The following AREL1 variants were observed in gnomAD, a reference collection of about 807,000 sequenced individuals.
The protein encoded by AREL1 is apoptosis resistant E3 ubiquitin protein ligase 1.
Under a neutral mutation model 99.0 loss-of-function variants are expected in AREL1, and 62 were observed. The ratio of observed to expected loss-of-function variants is 0.63; its 90% CI spans 0.51 to 0.77. The LOEUF is 0.77. AREL1 is among the 30% of genes least tolerant of loss of function. The pLI is 0.00. For missense variants in AREL1, 879 were observed against 1,027.6 expected, an observed-to-expected ratio of 0.86 and a Z score of 1.98; for synonymous variants, 380 against 376.5, an observed-to-expected ratio of 1.01 and a Z score of -0.11.
intron 17 of AREL1, among the ~76,000 whole-genome samples, chr14:74,665,564 T>G (rs917776280): frequency 6.6e-6 from 1 of 152,256 alleles, no homozygotes; most frequent in Non-Finnish European, 1.5e-5. Flanking sequence ...GGCCCATTTA[T>G]GAATTTGTCA....
chr14:74,690,566 T>C (rs1383166281), intron 2 of AREL1, among the ~76,000 whole-genome samples: 1 of 152,236 alleles, frequency 6.6e-6, no homozygotes, highest in Non-Finnish European at 1.5e-5. Flanking sequence ...GGTATTTTTC[T>C]ACAGCAGTTT....
intron 5 of AREL1, among the ~76,000 whole-genome samples, chr14:74,682,838 G>A (rs111971760): frequency 4.6e-5 from 7 of 152,086 alleles, no homozygotes; most frequent in African/African-American, 1.4e-4. Flanking sequence ...CTCCCGCTTC[G>A]CCTTCCACCA....
chr14:74,675,790 A>G lies in AREL1; in HGVS notation c.989T>C (p.Val330Ala). Residue 330 changes from valine (V) to alanine (A), a missense_variant, in exon 8 of 20, where the codon GTT becomes GCT. Physicochemically the swap from Val to Ala is moderately conservative, Grantham distance 64 (BLOSUM62 0). Coordinates refer to ENST00000356357, the MANE Select transcript of AREL1 (RefSeq NM_001039479.2). ...GGGCGAGTCTTCATCTTCCTCGTCA[A>G]CAGCAGTGGATGGCCGGCGCTGGGA... The part of the protein sequence containing the change: ...TSSQRRPSTA[V>A]DEEDEDSPSE... The G allele has an allele frequency of 6.2e-7, 1 of 1,614,206 alleles. No individual in the cohort carries two copies. The highest frequency in any genetic ancestry group is 8.5e-7 in the Non-Finnish European group (1 of 1,180,040).
intron 6 of AREL1, 28 bp from the exon 7 acceptor site, chr14:74,676,349 A>C: frequency 6.2e-7 from 1 of 1,606,836 alleles, no homozygotes; most frequent in East Asian, 2.2e-5. Flanking sequence ...AGCATCACTT[A>C]ACATATAGTA....
chr14:74,698,675 G>C (rs891470746), intron 1 of AREL1: 2 of 153,814 alleles, frequency 1.3e-5, no homozygotes, highest in African/African-American at 4.8e-5. Context: ...AGAGGAAGGA[G>C]AAGTAACTGT....
chr14:74,692,898 G>T (rs1269101238), intron 1 of AREL1, among the ~76,000 whole-genome samples: 1 of 151,968 alleles, frequency 6.6e-6, no homozygotes, highest in South Asian at 2.1e-4. Context: ...TTGTAGAGAC[G>T]GGGTTTTGCC....
chr14:74,705,109 G>C (rs1281924509), intron 1 of AREL1, among the ~76,000 whole-genome samples: 1 of 150,846 alleles, frequency 6.6e-6, no homozygotes, highest in East Asian at 2.0e-4. Flanking sequence ...GCACCATCTC[G>C]GCTCACCGCA....
At chr14:74,671,102 C>T (rs1039807898) in intron 12 of AREL1, among the ~76,000 whole-genome samples, 9 of 151,996 alleles carry the variant, frequency 5.9e-5, no homozygotes, top group East Asian at 5.8e-4. Flanking sequence ...CACCAGAGGT[C>T]GGAGATCCCA....
chr14:74,687,181 C>A (rs1230168566), intron 2 of AREL1, among the ~76,000 whole-genome samples: 3 of 152,132 alleles, frequency 2.0e-5, no homozygotes, highest in Admixed American at 6.6e-5. Context: ...CAGCACTCAG[C>A]AAAGAAATGA....
At chr14:74,699,345 A>AGGGG (rs1392551359) in intron 1 of AREL1, among the ~76,000 whole-genome samples, 1 of 137,228 alleles carries the variant, frequency 7.3e-6, no homozygotes, top group African/African-American at 3.2e-5. Flanking sequence ...AGTGACAGTG[A>AGGGG]GGGGTGTGTG....
At chr14:74,707,078 C>A (rs1225637153) in intron 1 of AREL1, among the ~76,000 whole-genome samples, 1 of 152,178 alleles carries the variant, frequency 6.6e-6, no homozygotes, top group Non-Finnish European at 1.5e-5. Context: ...CAAAATTATA[C>A]ACGATCTGGT....
intron 7 of AREL1, 90 bp downstream of exon 7, chr14:74,676,051 T>C: frequency 6.4e-7 from 1 of 1,552,076 alleles, no homozygotes; most frequent in Non-Finnish European, 8.7e-7. Context: ...GGCCCAAATA[T>C]CAAATGTTTG....
rs1185444870 is a variant in AREL1, at chr14:74,689,587, C to CTTTTTTTT, written c.-46+2453_-46+2454insAAAAAAAA. Among the ~76,000 whole-genome samples, 9 of 113,714 alleles carry CTTTTTTTT rather than the reference C, an allele frequency of 7.9e-5. 2 individuals carry two copies. The highest frequency in any genetic ancestry group is 9.8e-5 in the Non-Finnish European group (5 of 50,804). 74.6% of individuals were successfully genotyped at this position (113,714 alleles called of 152,430 possible). A position where few individuals can be genotyped will look rare whatever the true frequency, so the allele number is the denominator to read the frequency against. ...CATTGTTTTTATTTATCTTATAGCA[C>CTTTTTTTT]TTTTCTTTTTTTTTTTTTTTTTTTT... is the stretch of plus-strand genomic sequence containing the variant. On this transcript the variant is annotated intron_variant, in intron 2 of 19. Coordinates refer to ENST00000356357, the MANE Select transcript of AREL1 (RefSeq NM_001039479.2).
intron 2 of AREL1, chr14:74,690,935 C>T (rs1266645890): frequency 6.6e-6 from 1 of 151,890 alleles, no homozygotes; most frequent in Non-Finnish European, 1.5e-5. Context: ...CTATTATTCT[C>T]GTTTTATGGA....
chr14:74,670,033 G>C lies in AREL1; in HGVS notation c.1702C>G (p.Leu568Val). ...LVGKCLYESS[L>V]GGAYKQLVRA... The stretch of plus-strand genomic sequence containing the variant: ...ACCAACTGCTTGTAGGCTCCTCCTA[G>C]AGAGGACTCATAGAGACACTTGCCC... The change falls in exon 14 of 20, where the codon CTA (leucine) becomes GTA (valine). Residue 568 changes from leucine (L) to valine (V), a missense_variant. Leu to Val is a conservative substitution (Grantham distance 32, BLOSUM62 1). Coordinates refer to ENST00000356357, the MANE Select transcript of AREL1 (RefSeq NM_001039479.2). 6.2e-7 allele frequency: 1 copy of C among 1,614,142 alleles called. No individual in the cohort carries two copies. The highest frequency in any genetic ancestry group is 8.5e-7 in the Non-Finnish European group (1 of 1,179,994).
chr14:74,685,781 A>T, intron 2 of AREL1, 121 bp from the exon 3 acceptor site: 1 of 755,532 alleles, frequency 1.3e-6, no homozygotes, highest in Non-Finnish European at 2.2e-6. Flanking sequence ...GAGCCTTACT[A>T]TTCCTATCCT....
Position 74,662,426 on chromosome 14 carries a change from T to C in AREL1, c.*1294A>G. ...CAAAGCCTTCTTAAAAACACAAATT[T>C]GGGAAGTCAATGAGATTTTGAATCT... On this transcript the variant is annotated 3_prime_UTR_variant, in exon 20 of 20. Coordinates refer to ENST00000356357, the MANE Select transcript of AREL1 (RefSeq NM_001039479.2). The C allele has an allele frequency of 2.5e-6, 1 of 396,404 alleles. No homozygotes were observed. The highest frequency in any genetic ancestry group is 4.4e-5 in the Admixed American group (1 of 22,688). The allele number at this position is 396,404 out of a possible 1,614,324, so 24.6% of individuals were successfully genotyped here.
chr14:74,671,284 T>A, intron 12 of AREL1, 124 bp downstream of exon 12: 1 of 305,708 alleles, frequency 3.3e-6, no homozygotes, highest in Non-Finnish European at 5.7e-6. Flanking sequence ...AAAACCTAGG[T>A]TTTTTTTTTT....
Position 74,663,192 on chromosome 14 carries a change from C to G in AREL1, c.*528G>C, listed in dbSNP as rs918846743. ...ATGGCCTATGCCTACCATTGTGCAG[C>G]GGGACTGCTCCTATGGGCCACCTCC... On this transcript the variant is annotated 3_prime_UTR_variant, in exon 20 of 20. Coordinates refer to ENST00000356357, the MANE Select transcript of AREL1 (RefSeq NM_001039479.2). The G allele has an allele frequency of 1.6e-5, 3 of 183,506 alleles. No homozygotes were observed. The highest frequency in any genetic ancestry group is 7.0e-5 in the African/African-American group (3 of 43,086). 11.4% of individuals were successfully genotyped at this position (183,506 alleles called of 1,614,324 possible).
Sources: allele counts gnomAD v4.1 joint callset (sites outside exome capture counted in the v4.1 genomes callset), GRCh38; gene constraint gnomAD v4.1.1; transcripts MANE v1.5; gene names NCBI Gene and HGNC (gene_info 2026-07-23, HGNC 2026-07-21).